TLR5: variants seen among roughly 807,000 people sequenced by gnomAD.
TLR5 encodes toll like receptor 5.
For synonymous variants in TLR5, 373 were observed against 384.4 expected (o/e 0.97, Z 0.35); for missense variants, 944 against 999.8 (o/e 0.94, Z 0.75).
In TLR5 at chr1:223,141,816, TATATATAGAGAGAG is replaced by T. The variant is rs1374234612; in HGVS notation, c.-554-67_-554-54del. ...ATATATATATATATATATATATATATATATATAGAGAGAGAGAGAGAGAGAGAGAGAGAGAGAGA... is the reference window on the plus strand; with the variant it reads ...ATATATATATATATATATATATATATAGAGAGAGAGAGAGAGAGAGAGAGA... On this transcript the variant is annotated intron_variant, in intron 1 of 5. Coordinates refer to ENST00000642603, the MANE Select transcript of TLR5 (RefSeq NM_003268.6). 337 of 43,444 alleles carry T rather than the reference TATATATAGAGAGAG, an allele frequency of 7.8e-3. 1 individual carries two copies. Among genetic ancestry groups the T allele is most frequent in the South Asian group, 0.016 (18 of 1,104 alleles). 2.7% of individuals were successfully genotyped at this position (43,444 alleles called of 1,614,324 possible). A position where few individuals can be genotyped will look rare whatever the true frequency, so the allele number is the denominator to read the frequency against.
rs1424641729 is a variant in TLR5, at chr1:223,112,864, G to A, written c.168C>T (p.Asn56=). The A allele has an allele frequency of 6.2e-7, 1 of 1,614,064 alleles. No individual in the cohort carries two copies. Among genetic ancestry groups the A allele is most frequent in the Non-Finnish European group, 8.5e-7 (1 of 1,179,992 alleles). Residue 56 remains asparagine (N), a synonymous_variant, in exon 6 of 6, where the codon AAC becomes AAT. Transcript: ENST00000642603. The stretch of plus-strand genomic sequence containing the variant: ...ATGAAGCAGTGACTGTCCTGATATA[G>A]TTGAAGCTCAGCAGGAGCCTCTCAG... The part of the protein sequence containing the change: ...NTTERLLLSF[N]YIRTVTASSF...
In TLR5 at chr1:223,112,873, C is replaced by T; in HGVS notation, c.159G>A (p.Leu53=). ...TGACTGTCCTGATATAGTTGAAGCT[C>T]AGCAGGAGCCTCTCAGTGGTGTTGA... The part of the protein sequence containing the change: ...QVLNTTERLL[L]SFNYIRTVTA... Residue 53 remains leucine, a synonymous_variant, in exon 6 of 6, where the codon CTG becomes CTA. Coordinates refer to ENST00000642603, the MANE Select transcript of TLR5 (RefSeq NM_003268.6). 1 of 1,614,060 alleles carries T rather than the reference C, an allele frequency of 6.2e-7. No individual in the cohort carries two copies. Among genetic ancestry groups the T allele is most frequent in the Non-Finnish European group, 8.5e-7 (1 of 1,179,998 alleles).
At position 223,112,413 on chromosome 1, in the gene TLR5, T is replaced by C; in HGVS notation, c.619A>G (p.Ser207Gly). Residue 207 changes from serine (S) to glycine (G), a missense_variant, in exon 6 of 6, where the codon AGC becomes GGC. By Grantham distance (56) the Ser-to-Gly change is moderately conservative. Transcript: ENST00000642603. The part of the protein sequence containing the change: ...TLSFFSLAAN[S>G]LYSRVSVDWG... ...TCCACTGAGACTCTGCTATACAAGC[T>C]ATTAGCTGCGAGGCTAAAAAAGGAG... 6.2e-7 allele frequency: 1 copy of C among 1,614,252 alleles called. No individual in the cohort carries two copies. Among genetic ancestry groups the C allele is most frequent in the Non-Finnish European group, 8.5e-7 (1 of 1,180,046 alleles).
intron 2 of TLR5, among the ~76,000 whole-genome samples, chr1:223,137,745 T>A (rs1657667007): frequency 6.6e-6 from 1 of 152,086 alleles, no homozygotes; most frequent in Admixed American, 6.6e-5. Flanking sequence ...ATAAATGAGC[T>A]CCTTCCCTAG....
At chr1:223,115,028 C>T (rs908368116) in intron 5 of TLR5, among the ~76,000 whole-genome samples, 2 of 152,154 alleles carry the variant, frequency 1.3e-5, no homozygotes, top group African/African-American at 4.8e-5. Context: ...TTTCATTTTC[C>T]AGCCAGCAGC....
rs1229357742 is a variant in TLR5 at position 223,131,384 on chromosome 1, T to C, written c.-5+1091A>G. 2.0e-5 allele frequency among the ~76,000 whole-genome samples: 3 copies of C among 152,198 alleles called. No homozygotes were observed. The highest frequency in any genetic ancestry group is 1.9e-4 in the East Asian group (1 of 5,182). On this transcript the variant is annotated intron_variant, in intron 5 of 5. Coordinates refer to ENST00000642603, the MANE Select transcript of TLR5 (RefSeq NM_003268.6). The surrounding 1 kb of genome is among the most constrained non-coding windows in gnomAD (Gnocchi z 4.2). Reference sequence around the variant, plus strand: ...CTTGTGCTCGAGATCTAACTTGCCATTCTCAGAGTCTGCCCTCATCCCCAT... The same window carrying C: ...CTTGTGCTCGAGATCTAACTTGCCACTCTCAGAGTCTGCCCTCATCCCCAT...
chr1:223,113,121 A>G (rs1250196830), intron 5 of TLR5, 86 bp from the exon 6 acceptor site: 1 of 1,313,978 alleles, frequency 7.6e-7, no homozygotes, highest in Non-Finnish European at 1.1e-6. Flanking sequence ...GGTATTCTCT[A>G]TGATGTGCCT....
At position 223,143,231 on chromosome 1, in the gene TLR5, T is replaced by A. The variant is rs1418872136; in HGVS notation, c.-590A>T. On this transcript the variant is annotated 5_prime_UTR_variant, in exon 1 of 6. Transcript: ENST00000642603. ...CCTCCCCGCGCCGCCTGCGCCACGG[T>A]TGGCTCCTCCCGGACGCAAAAGCGG... is the stretch of plus-strand genomic sequence containing the variant. 1 of 152,178 alleles carries A rather than the reference T, an allele frequency of 6.6e-6. No individual in the cohort carries two copies. Among genetic ancestry groups the A allele is most frequent in the Non-Finnish European group, 1.5e-5 (1 of 68,050 alleles). The allele number at this position is 152,178 out of a possible 1,614,324, so 9.4% of individuals were successfully genotyped here.
chr1:223,124,058 C>A (rs1342887984), intron 5 of TLR5, among the ~76,000 whole-genome samples: 1 of 152,216 alleles, frequency 6.6e-6, no homozygotes, highest in African/African-American at 2.4e-5. Context: ...CAAGTCATTA[C>A]ACTATGCAAA....
At chr1:223,114,491 T>A (rs1656526981) in intron 5 of TLR5, among the ~76,000 whole-genome samples, 1 of 152,088 alleles carries the variant, frequency 6.6e-6, no homozygotes, top group South Asian at 2.1e-4. Flanking sequence ...AGGCAATGGT[T>A]TATAAAGAGC....
At position 223,111,753 on chromosome 1, in the gene TLR5, G is replaced by T; in HGVS notation, c.1279C>A (p.Leu427Ile). ...AGCCTGTTTTCTGATAAGTGGATGAGGTTCGCTGTAAGGTTGATCTTTGGC... is the reference window on the plus strand; with the variant it reads ...AGCCTGTTTTCTGATAAGTGGATGATGTTCGCTGTAAGGTTGATCTTTGGC... Reference protein sequence around the residue: ...TLPKINLTANLIHLSENRLEN... With the variant: ...TLPKINLTANIIHLSENRLEN... Residue 427 changes from leucine (L) to isoleucine (I), a missense_variant, in exon 6 of 6, where the codon CTC becomes ATC. Coordinates refer to ENST00000642603, the MANE Select transcript of TLR5 (RefSeq NM_003268.6). 6.2e-7 allele frequency: 1 copy of T among 1,614,128 alleles called. No homozygotes were observed. Among genetic ancestry groups the T allele is most frequent in the Non-Finnish European group, 8.5e-7 (1 of 1,180,018 alleles).
intron 5 of TLR5, chr1:223,123,881 G>A (rs1389451297): frequency 6.6e-6 from 1 of 152,246 alleles, no homozygotes; most frequent in Non-Finnish European, 1.5e-5. Flanking sequence ...CCCCAGCGGA[G>A]GAGTGCGCCA....
chr1:223,120,141 T>C (rs1298473484), intron 5 of TLR5, among the ~76,000 whole-genome samples: 1 of 151,924 alleles, frequency 6.6e-6, no homozygotes, highest in Admixed American at 6.6e-5. Flanking sequence ...TGGGAAAATC[T>C]ATATTCTGTA....
chr1:223,110,953 A>G lies in TLR5; in HGVS notation c.2079T>C (p.Tyr693=). 6.2e-7 allele frequency: 1 copy of G among 1,614,260 alleles called. No individual in the cohort carries two copies. Among genetic ancestry groups the G allele is most frequent in the Non-Finnish European group, 8.5e-7 (1 of 1,180,044 alleles). ...PQGTEPDMYK[Y]DAYLCFSSKD... is the part of the protein sequence containing the mutation. Reference sequence around the variant, plus strand: ...TGCTGCTGAAGCACAAATAGGCATCATATTTGTACATATCAGGTTCTGTGC... The same window carrying G: ...TGCTGCTGAAGCACAAATAGGCATCGTATTTGTACATATCAGGTTCTGTGC... The change falls in exon 6 of 6, where the codon TAT becomes TAC. Residue 693 remains tyrosine, a synonymous_variant. Transcript: ENST00000642603.
At chr1:223,142,705 G>A (rs969732827) in intron 1 of TLR5, among the ~76,000 whole-genome samples, 1 of 152,300 alleles carries the variant, frequency 6.6e-6, no homozygotes, top group African/African-American at 2.4e-5. Flanking sequence ...TGTGGGGTGG[G>A]GTGTTTAGGG....
Position 223,111,691 on chromosome 1 carries a change from T to C in TLR5, c.1341A>G (p.Val447=), listed in dbSNP as rs1656347714. ...TTAAAATGAGAATCTGGAGATGAGG[T>C]ACCCGTAGGAGAAAGTAGAGAATAT... ...NLDILYFLLR[V]PHLQILILNQ... The change falls in exon 6 of 6, where the codon GTA becomes GTG. Residue 447 remains valine, a synonymous_variant. Coordinates refer to ENST00000642603, the MANE Select transcript of TLR5 (RefSeq NM_003268.6). 1 of 1,614,170 alleles carries C rather than the reference T, an allele frequency of 6.2e-7. No individual in the cohort carries two copies. Among genetic ancestry groups the C allele is most frequent in the Non-Finnish European group, 8.5e-7 (1 of 1,180,030 alleles).
chr1:223,132,197 T>C (rs913745379), intron 5 of TLR5, among the ~76,000 whole-genome samples: 1 of 152,004 alleles, frequency 6.6e-6, no homozygotes, highest in African/African-American at 2.4e-5. Context: ...ACCTTGTCTC[T>C]ACAAAAAACA....
chr1:223,116,421 G>C (rs1171015102), intron 5 of TLR5, among the ~76,000 whole-genome samples: 2 of 152,166 alleles, frequency 1.3e-5, no homozygotes, highest in Admixed American at 6.5e-5. Flanking sequence ...CCCATCCGGA[G>C]TTGTTCATTC....
Position 223,110,643 on chromosome 1 carries a change from G to A in TLR5, c.2389C>T (p.Gln797Ter), listed in dbSNP as rs1020198203. ...GATTGATGTTTCATCAACTGGTACT[G>A]GGACAAGGACCCAACCACCACCATG... ...LIMVVVGSLS[Q>*]YQLMKHQSIR... is the part of the protein sequence containing the mutation. Residue 797 changes from glutamine (Q) to a stop codon, truncating the protein, a stop_gained, in exon 6 of 6, where the codon CAG (glutamine) becomes TAG (stop). Coordinates refer to ENST00000642603, the MANE Select transcript of TLR5 (RefSeq NM_003268.6). LOFTEE classifies it low-confidence loss of function (END_TRUNC). 6.2e-7 allele frequency: 1 copy of A among 1,614,040 alleles called. No homozygotes were observed. Among genetic ancestry groups the A allele is most frequent in the Non-Finnish European group, 8.5e-7 (1 of 1,180,038 alleles).
Sources: allele counts gnomAD v4.1 joint callset (sites outside exome capture counted in the v4.1 genomes callset), GRCh38; gene constraint gnomAD v4.1.1; non-coding constraint Gnocchi (gnomAD v3.1); transcripts MANE v1.5; gene names NCBI Gene and HGNC (gene_info 2026-07-23, HGNC 2026-07-21).